MCTP1: variants seen among roughly 807,000 people sequenced by gnomAD.
The protein encoded by MCTP1 is multiple C2 and transmembrane domain-containing protein 1.
A neutral mutation model predicts 120.6 loss-of-function variants in MCTP1; 69 were observed. That is an observed-to-expected ratio of 0.57 (90% CI 0.47 to 0.70). The LOEUF is 0.70. MCTP1 is among the 30% of genes least tolerant of loss of function. MCTP1 has a pLI of 0.00. For synonymous variants in MCTP1, 529 were observed against 493.1 expected (o/e 1.07, Z -0.96); for missense variants, 1,203 against 1,248.8 (o/e 0.96, Z 0.55).
chr5:94,913,477 A>G (rs1214362803), intron 8 of MCTP1, among the ~76,000 whole-genome samples: 2 of 152,212 alleles, frequency 1.3e-5, no homozygotes, highest in African/African-American at 4.8e-5. Flanking sequence ...CTTTCTTGCC[A>G]CATTTGGAGA....
chr5:94,725,452 C>T (rs747762280), intron 19 of MCTP1, among the ~76,000 whole-genome samples: 10 of 152,158 alleles, frequency 6.6e-5, no homozygotes, highest in Non-Finnish European at 1.3e-4. Context: ...ATAGCAAATG[C>T]TGGGCTAGGT....
chr5:94,884,591 G>A (rs949276392), intron 12 of MCTP1, among the ~76,000 whole-genome samples: 1 of 137,336 alleles, frequency 7.3e-6, no homozygotes, highest in Non-Finnish European at 1.5e-5. Context: ...GTGTCTGATC[G>A]CCGGTCTGTG....
chr5:94,997,138 C>T (rs1337193142), intron 2 of MCTP1, among the ~76,000 whole-genome samples: 1 of 152,056 alleles, frequency 6.6e-6, no homozygotes, highest in Non-Finnish European at 1.5e-5. Flanking sequence ...ACTTCCTGCC[C>T]CCACACTTGC....
intron 1 of MCTP1, among the ~76,000 whole-genome samples, chr5:95,075,772 C>T (rs757891180): frequency 6.6e-6 from 1 of 152,170 alleles, no homozygotes; most frequent in Admixed American, 6.5e-5. Flanking sequence ...CAATAACTTT[C>T]TTAACACTTT....
At chr5:95,262,234 TCAATCCTA>T (rs1173281029) in intron 1 of MCTP1, among the ~76,000 whole-genome samples, 4 of 152,144 alleles carry the variant, frequency 2.6e-5, no homozygotes, top group African/African-American at 9.7e-5. Flanking sequence ...CTCTTGAAAA[TCAATCCTA>T]CAATCCACAG....
intron 5 of MCTP1, among the ~76,000 whole-genome samples, chr5:94,936,457 A>G (rs1404760321): frequency 6.6e-6 from 1 of 152,070 alleles, no homozygotes; most frequent in East Asian, 1.9e-4. Flanking sequence ...CAGAAGTTAC[A>G]GTGAGGGAAC....
At position 94,913,251 on chromosome 5, in the gene MCTP1, A is replaced by C. The variant is rs248676; in HGVS notation, c.1351-275T>G. On this transcript the variant is annotated intron_variant, in intron 8 of 22. Coordinates refer to ENST00000515393, the MANE Select transcript of MCTP1 (RefSeq NM_024717.7). ...AAGATTACAAGATGTAGATACTTCA[A>C]GAATATCAGAGAATATTTGCATGTG... Among the ~76,000 whole-genome samples the C allele has an allele frequency of 5.7e-3, 875 of 152,318 alleles. 13 individuals are homozygous for C. The East Asian group carries it at 0.059, about 10-fold the overall frequency.
chr5:95,076,820 T>C (rs1056220730), intron 1 of MCTP1, among the ~76,000 whole-genome samples: 10 of 152,258 alleles, frequency 6.6e-5, no homozygotes, highest in African/African-American at 2.4e-4. Context: ...TTTTTGTTTT[T>C]AATGACTCCT....
At chr5:95,155,276 T>C (rs571642686) in intron 1 of MCTP1, among the ~76,000 whole-genome samples, 37 of 152,186 alleles carry the variant, frequency 2.4e-4, no homozygotes, top group African/African-American at 7.9e-4. Flanking sequence ...GAGGTAGATA[T>C]TATAAGGAAG....
intron 19 of MCTP1, among the ~76,000 whole-genome samples, chr5:94,747,447 G>A (rs929220630): frequency 1.3e-5 from 2 of 152,052 alleles, no homozygotes; most frequent in Non-Finnish European, 2.9e-5. Flanking sequence ...TCTGTAAAGG[G>A]CTAAATAGTA....
intron 1 of MCTP1, among the ~76,000 whole-genome samples, chr5:95,270,583 A>G (rs55901407): frequency 0.87 from 132,493 of 152,010 alleles, 57,841 homozygotes; most frequent in African/African-American, 0.92. Flanking sequence ...AGCTCAGGGT[A>G]GGCTGGGGAG....
At chr5:94,808,832 C>T (rs924230910) in intron 17 of MCTP1, among the ~76,000 whole-genome samples, 4 of 152,042 alleles carry the variant, frequency 2.6e-5, no homozygotes, top group Admixed American at 2.0e-4. Context: ...TATACTGAAA[C>T]TTTATTTATT....
intron 17 of MCTP1, among the ~76,000 whole-genome samples, chr5:94,851,955 G>C (rs1025420857): frequency 6.6e-6 from 1 of 151,728 alleles, no homozygotes; most frequent in African/African-American, 2.4e-5. Flanking sequence ...GTGTTTAATT[G>C]TACATATCAT....
chr5:95,170,065 T>G (rs1203651570), intron 1 of MCTP1, among the ~76,000 whole-genome samples: 6 of 152,242 alleles, frequency 3.9e-5, no homozygotes, highest in Admixed American at 6.5e-5. Flanking sequence ...TAAATTTCCC[T>G]CTACACACTG....
chr5:95,191,346 G>A (rs922189402), intron 1 of MCTP1, among the ~76,000 whole-genome samples: 2 of 151,872 alleles, frequency 1.3e-5, no homozygotes, highest in African/African-American at 2.4e-5. Context: ...TTTTTAAAAA[G>A]AAACTTCTTC....
intron 13 of MCTP1, 128 bp from the exon 14 acceptor site, chr5:94,871,545 A>T: frequency 1.5e-6 from 1 of 670,280 alleles, no homozygotes; most frequent in Non-Finnish European, 2.7e-6. Flanking sequence ...TTGCATACAC[A>T]CATATACAAG....
chr5:95,172,824 T>C (rs1582438085), intron 1 of MCTP1, among the ~76,000 whole-genome samples: 1 of 152,294 alleles, frequency 6.6e-6, no homozygotes, highest in East Asian at 1.9e-4. Flanking sequence ...GGGGCAGTGT[T>C]ACCATAGGTC....
rs181106385 is a variant in MCTP1, at chr5:94,957,873, T to A, written c.839-4512A>T. ...TTAGACAGATCAACAAGACAGAAAA[T>A]TAACAAGGATATTCAGGACTTGAAC... On this transcript the variant is annotated intron_variant, in intron 2 of 22. Transcript: ENST00000515393. Among the ~76,000 whole-genome samples, 1,147 of 152,194 alleles carry A rather than the reference T, an allele frequency of 7.5e-3. 8 individuals are homozygous for A. The highest frequency in any genetic ancestry group is 0.027 in the African/African-American group (1,107 of 41,500).
At chr5:94,982,154 T>C (rs1013058745) in intron 2 of MCTP1, among the ~76,000 whole-genome samples, 26 of 152,230 alleles carry the variant, frequency 1.7e-4, no homozygotes, top group Non-Finnish European at 3.2e-4. Flanking sequence ...AGGTTAATGA[T>C]ACATACAAAA....
Sources: allele counts gnomAD v4.1 joint callset (sites outside exome capture counted in the v4.1 genomes callset), GRCh38; gene constraint gnomAD v4.1.1; transcripts MANE v1.5; gene names NCBI Gene and HGNC (gene_info 2026-07-23, HGNC 2026-07-21).